Variants in SP140 observed in about 807,000 individuals in gnomAD.
SP140 encodes SP140 nuclear body protein.
Under a neutral mutation model 125.0 loss-of-function variants are expected in SP140, and 81 were observed. The observed-to-expected ratio is 0.65, with a 90% CI of 0.54 to 0.78. The LOEUF (loss-of-function observed/expected upper bound fraction) is 0.78, where lower values mean the gene tolerates loss of function less well. Ranked by LOEUF, SP140 falls within the 30% of genes least tolerant of loss-of-function variation. The pLI is 0.00. For synonymous variants in SP140, 312 were observed against 354.0 expected (o/e 0.88, Z 1.33); for missense variants, 858 against 1,037.0 (o/e 0.83, Z 2.37).
At chr2:230,266,351 G>C (rs1484552671) in intron 12 of SP140, among the ~76,000 whole-genome samples, 2 of 152,138 alleles carry the variant, frequency 1.3e-5, no homozygotes, top group Non-Finnish European at 2.9e-5. Context: ...GAAATGTCTA[G>C]ATCTATAGAG....
At chr2:230,249,456 G>A (rs1485877290) in intron 9 of SP140, among the ~76,000 whole-genome samples, 7 of 152,074 alleles carry the variant, frequency 4.6e-5, no homozygotes, top group East Asian at 1.9e-4. Context: ...TAGCCCCTGC[G>A]TGAACAGAAG....
At chr2:230,228,927 C>G (rs1245138985) in intron 1 of SP140, among the ~76,000 whole-genome samples, 2 of 152,124 alleles carry the variant, frequency 1.3e-5, no homozygotes, top group Non-Finnish European at 2.9e-5. Flanking sequence ...ATATCTACCA[C>G]ATTTGTAAAT....
At position 230,240,486 on chromosome 2, in the gene SP140, A is replaced by T. The variant is rs12613475; in HGVS notation, c.407-918A>T. Among the ~76,000 whole-genome samples, 117 of 152,360 alleles carry T rather than the reference A, an allele frequency of 7.7e-4. 2 individuals carry two copies. In the East Asian group the frequency reaches 0.017, roughly 22 times the overall value. On this transcript the variant is annotated intron_variant, in intron 3 of 26. Coordinates refer to ENST00000392045, the MANE Select transcript of SP140 (RefSeq NM_007237.5). ...TGAATAATAAAAGGACACATCACCA[A>T]TTCAAAAAATGGACAAACGATTTGA... is the stretch of plus-strand genomic sequence containing the variant.
At position 230,287,892 on chromosome 2, in the gene SP140, G is replaced by A. The variant is rs375030367; in HGVS notation, c.1646G>A (p.Gly549Glu). The part of the protein sequence containing the change: ...VNLKDLSKIR[G>E]RKRGKPGTRF... The stretch of plus-strand genomic sequence containing the variant: ...TGATTATATTATTCTACTTTCTCAG[G>A]GAGAAAGAGAGGCAAACCTGGAACC... Residue 549 changes from glycine (G) to glutamate (E), a missense_variant and splice_region_variant, in exon 18 of 27, where the codon GGG (glycine) becomes GAG (glutamate). Gly to Glu is a moderately conservative substitution (Grantham distance 98, BLOSUM62 -2). Around this residue, in one of 4 missense-constraint regions of SP140, gnomAD observed 791 missense variants for 869.5 expected, o/e 0.91. Transcript: ENST00000392045. The A allele has an allele frequency of 1.1e-5, 17 of 1,609,172 alleles. No homozygotes were observed. The East Asian group carries it at 3.8e-4, about 36-fold the overall frequency.
At chr2:230,224,977 A>G (rs925612643), upstream of SP140, among the ~76,000 whole-genome samples, 1 of 152,252 alleles carries the variant, frequency 6.6e-6, no homozygotes, top group Non-Finnish European at 1.5e-5. Context: ...AATCCTTTAC[A>G]GAATGAGGGC....
chr2:230,272,545 T>G (rs1231294869), intron 15 of SP140, among the ~76,000 whole-genome samples: 1 of 152,204 alleles, frequency 6.6e-6, no homozygotes, highest in Non-Finnish European at 1.5e-5. Context: ...TCTCTTTGCC[T>G]GCCATCATCC....
At chr2:230,248,854 T>C in intron 8 of SP140, 31 bp from the exon 9 acceptor site, 1 of 1,566,210 alleles carries the variant, frequency 6.4e-7, no homozygotes, top group Admixed American at 1.7e-5. Flanking sequence ...AGTCACCCTC[T>C]GTGGTCTGTC....
chr2:230,283,020 G>A (rs1038727317), intron 15 of SP140, among the ~76,000 whole-genome samples: 3 of 152,184 alleles, frequency 2.0e-5, no homozygotes, highest in Admixed American at 2.0e-4. Context: ...CAACCAGGTG[G>A]CAGTCCCCCC....
At chr2:230,309,176 C>T (rs1317015892) in intron 22 of SP140, among the ~76,000 whole-genome samples, 2 of 152,188 alleles carry the variant, frequency 1.3e-5, no homozygotes, top group Non-Finnish European at 2.9e-5. Flanking sequence ...AAAGCACCAG[C>T]TCTTTTATGG....
At chr2:230,288,819 A>C (rs1463402374) in intron 18 of SP140, among the ~76,000 whole-genome samples, 1 of 152,212 alleles carries the variant, frequency 6.6e-6, no homozygotes, top group South Asian at 2.1e-4. Context: ...TCATGGCTGC[A>C]TAGTATTTCA....
chr2:230,254,549 C>T (rs3769844), intron 11 of SP140, among the ~76,000 whole-genome samples: 21,628 of 152,192 alleles, frequency 0.14, 1,581 homozygotes, highest in African/African-American at 0.18. Context: ...AACTGAACAC[C>T]TCACAGTGGA....
At chr2:230,216,930 T>C (rs2045251359) in intron 3 of SP140, 3 of 1,613,012 alleles carry the variant, frequency 1.9e-6, no homozygotes, top group Non-Finnish European at 2.5e-6. Flanking sequence ...GTGAACATCC[T>C]ATGGAAAGAG....
At chr2:230,297,664 G>C (rs1188425869) in intron 22 of SP140, among the ~76,000 whole-genome samples, 3 of 152,202 alleles carry the variant, frequency 2.0e-5, no homozygotes, top group Non-Finnish European at 4.4e-5. Flanking sequence ...CTTTCCATCT[G>C]TTTCAGTAGA....
intron 7 of SP140, 91 bp downstream of exon 7, chr2:230,246,031 A>C (rs546727618): frequency 4.3e-5 from 32 of 735,916 alleles, no homozygotes; most frequent in Non-Finnish European, 6.8e-5. Context: ...CCATCTATTC[A>C]TGTATTCATC....
chr2:230,261,599 T>C (rs1002427592), intron 12 of SP140, among the ~76,000 whole-genome samples: 1 of 152,182 alleles, frequency 6.6e-6, no homozygotes, highest in Non-Finnish European at 1.5e-5. Flanking sequence ...TTGTCATAGG[T>C]GGCTTTTATT....
chr2:230,215,059 G>T, intron 3 of SP140: 1 of 1,613,660 alleles, frequency 6.2e-7, no homozygotes, highest in East Asian at 2.2e-5. Context: ...CCAGTTGGGT[G>T]AGAATGTTGT....
chr2:230,241,477 T>C lies in SP140; in HGVS notation c.480T>C (p.Tyr160=). ...DLEDRPRLLP[Y]GKQENSNACH... ...AAGATAGACCCAGATTACTACCATA[T>C]GGTAAACAAGGTAACTATCATTTAG... is the stretch of plus-strand genomic sequence containing the variant. The change falls in exon 4 of 27, where the codon TAT becomes TAC. Residue 160 remains tyrosine (Y), a synonymous_variant. Coordinates refer to ENST00000392045, the MANE Select transcript of SP140 (RefSeq NM_007237.5). The C allele has an allele frequency of 6.4e-7, 1 of 1,563,586 alleles. No homozygotes were observed. Among genetic ancestry groups the C allele is most frequent in the Non-Finnish European group, 8.8e-7 (1 of 1,134,016 alleles).
At chr2:230,309,423 G>A (rs16827035) in intron 22 of SP140, among the ~76,000 whole-genome samples, 9 of 152,136 alleles carry the variant, frequency 5.9e-5, no homozygotes, top group African/African-American at 1.9e-4. Flanking sequence ...GGCACAAAAC[G>A]TACAGTCTAG....
At chr2:230,236,278 A>G (rs2149097563) in intron 1 of SP140, among the ~76,000 whole-genome samples, 1 of 152,272 alleles carries the variant, frequency 6.6e-6, no homozygotes, top group South Asian at 2.1e-4. Flanking sequence ...GAGGAGATAC[A>G]TCTCCTTTAC....
Sources: gnomAD v4.1 joint callset for allele counts (sites outside exome capture counted in the v4.1 genomes callset) on GRCh38, gnomAD v4.1.1 for gene constraint, gnomAD v4.1.1 regional missense constraint, MANE v1.5 for transcripts, NCBI Gene and HGNC (gene_info 2026-07-23, HGNC 2026-07-21) for gene names.